The following LRP1B variants were observed in gnomAD, a reference collection of about 807,000 sequenced individuals.
The protein encoded by LRP1B is LDL receptor related protein 1B, also known as low-density lipoprotein receptor-related protein 1B.
In LRP1B, 217 loss-of-function variants were observed where a neutral mutation model predicts 556.6. The observed-to-expected ratio is 0.39, with a 90% CI of 0.35 to 0.44. The LOEUF (loss-of-function observed/expected upper bound fraction) is 0.44. LRP1B is among the 20% of genes least tolerant of loss of function. LRP1B has a pLI of 1.00. For missense variants in LRP1B, 5,053 were observed against 5,620.8 expected (o/e 0.90, Z 3.23); for synonymous variants, 2,047 against 1,865.8 (o/e 1.10, Z -2.50).
intron 6 of LRP1B, among the ~76,000 whole-genome samples, chr2:141,202,437 C>T (rs12691596): frequency 0.95 from 145,165 of 152,268 alleles, 69,543 homozygotes; most frequent in East Asian, 1. Context: ...TACCCAGTAA[C>T]GGGATTGCTG....
At chr2:141,912,569 G>A (rs1332917512) in intron 1 of LRP1B, among the ~76,000 whole-genome samples, 2 of 152,102 alleles carry the variant, frequency 1.3e-5, no homozygotes, top group Non-Finnish European at 2.9e-5. Flanking sequence ...GCGATGTGGG[G>A]AGAGGACAAT....
intron 3 of LRP1B, among the ~76,000 whole-genome samples, chr2:141,301,741 T>A (rs1686403403): frequency 6.6e-6 from 1 of 152,144 alleles, no homozygotes; most frequent in Non-Finnish European, 1.5e-5. Flanking sequence ...TACGTTGACA[T>A]GGATGCTTGA....
At chr2:140,675,945 AC>A (rs1246466425) in intron 41 of LRP1B, among the ~76,000 whole-genome samples, 1 of 147,182 alleles carries the variant, frequency 6.8e-6, no homozygotes, top group African/African-American at 2.4e-5. Flanking sequence ...TGTCTCTGAT[AC>A]AAGTTAGCAT....
chr2:142,074,408 C>T (rs1374981228), intron 1 of LRP1B, among the ~76,000 whole-genome samples: 2 of 151,998 alleles, frequency 1.3e-5, no homozygotes, highest in Non-Finnish European at 2.9e-5. Flanking sequence ...TCTCAAGGTT[C>T]CATCATTTTC....
intron 1 of LRP1B, among the ~76,000 whole-genome samples, chr2:141,948,309 A>T (rs1701012606): frequency 6.6e-6 from 1 of 151,882 alleles, no homozygotes; most frequent in Non-Finnish European, 1.5e-5. Flanking sequence ...AAAATAAATA[A>T]ATAAATAATT....
chr2:141,551,758 G>C (rs1390048122), intron 2 of LRP1B, among the ~76,000 whole-genome samples: 1 of 151,904 alleles, frequency 6.6e-6, no homozygotes, highest in Non-Finnish European at 1.5e-5. Context: ...GAAAATGACA[G>C]TCCTGCGGAA....
At chr2:142,044,871 T>A (rs566175680) in intron 1 of LRP1B, among the ~76,000 whole-genome samples, 1 of 151,860 alleles carries the variant, frequency 6.6e-6, no homozygotes, top group African/African-American at 2.4e-5. Flanking sequence ...TTCTTGGGCA[T>A]ACAGATACAT....
chr2:140,304,793 AACG>A (rs1186391513), intron 83 of LRP1B, among the ~76,000 whole-genome samples: 1 of 152,120 alleles, frequency 6.6e-6, no homozygotes, highest in Non-Finnish European at 1.5e-5. Flanking sequence ...TTTTAGGTCT[AACG>A]TTTAAGTCTT....
intron 2 of LRP1B, among the ~76,000 whole-genome samples, chr2:141,648,812 G>A (rs1329277748): frequency 2.0e-5 from 3 of 152,182 alleles, no homozygotes; most frequent in Non-Finnish European, 2.9e-5. Context: ...CAAAGCCTTC[G>A]AGGACACCCT....
At chr2:140,739,915 T>C (rs1341934767) in intron 35 of LRP1B, among the ~76,000 whole-genome samples, 3 of 152,028 alleles carry the variant, frequency 2.0e-5, no homozygotes, top group Non-Finnish European at 4.4e-5. Flanking sequence ...AACAAACATA[T>C]GAAAAATGCT....
chr2:140,436,476 T>G (rs1686184581), intron 66 of LRP1B, among the ~76,000 whole-genome samples: 1 of 152,166 alleles, frequency 6.6e-6, no homozygotes, highest in African/African-American at 2.4e-5. Flanking sequence ...GAAATAGTGA[T>G]TCCACAGAAT....
intron 1 of LRP1B, among the ~76,000 whole-genome samples, chr2:141,991,058 A>T (rs1046941833): frequency 9.9e-5 from 15 of 152,184 alleles, no homozygotes; most frequent in African/African-American, 2.9e-4. Context: ...TCATCATATC[A>T]TACTGAAGGC....
At chr2:141,693,875 G>A (rs1307939099) in intron 2 of LRP1B, among the ~76,000 whole-genome samples, 1 of 151,972 alleles carries the variant, frequency 6.6e-6, no homozygotes, top group African/African-American at 2.4e-5. Context: ...GCCTTCTAGA[G>A]TACAGAAGAC....
chr2:141,929,690 G>T (rs1574501732), intron 1 of LRP1B, among the ~76,000 whole-genome samples: 1 of 151,784 alleles, frequency 6.6e-6, no homozygotes, highest in Admixed American at 6.6e-5. Context: ...TAAATCTCAG[G>T]TATGCTCTGG....
At chr2:140,622,861 G>C (rs1559012252) in intron 41 of LRP1B, among the ~76,000 whole-genome samples, 1 of 152,078 alleles carries the variant, frequency 6.6e-6, no homozygotes, top group Non-Finnish European at 1.5e-5. Context: ...TTAATTCTGG[G>C]AACATGTTAA....
At chr2:140,394,371 A>T (rs1358960137) in intron 66 of LRP1B, among the ~76,000 whole-genome samples, 1 of 152,030 alleles carries the variant, frequency 6.6e-6, no homozygotes, top group Non-Finnish European at 1.5e-5. Context: ...GTGATCAATC[A>T]TTATGCTTTT....
intron 41 of LRP1B, among the ~76,000 whole-genome samples, chr2:140,659,119 T>G (rs1201832623): frequency 3.5e-5 from 5 of 142,200 alleles, no homozygotes; most frequent in African/African-American, 1.3e-4. Flanking sequence ...TTTTTTTTTT[T>G]TTTTTTTTAG....
At chr2:140,986,724 T>C (rs1291119143) in intron 17 of LRP1B, among the ~76,000 whole-genome samples, 1 of 152,166 alleles carries the variant, frequency 6.6e-6, no homozygotes. Flanking sequence ...CTGCTTATAC[T>C]TCTTTCTCCC....
intron 1 of LRP1B, among the ~76,000 whole-genome samples, chr2:142,070,104 C>A (rs1019154247): frequency 4.0e-5 from 6 of 151,738 alleles, no homozygotes; most frequent in African/African-American, 9.7e-5. Flanking sequence ...TCCACATTCC[C>A]AACAACCCGT....
Sources: gnomAD v4.1 joint callset for allele counts (sites outside exome capture counted in the v4.1 genomes callset) on GRCh38, gnomAD v4.1.1 for gene constraint, MANE v1.5 for transcripts, NCBI Gene and HGNC (gene_info 2026-07-23, HGNC 2026-07-21) for gene names.